CDH13: variants seen among roughly 807,000 people sequenced by gnomAD.
CDH13 encodes the protein cadherin-13.
In CDH13, 24 loss-of-function variants were observed where a neutral mutation model predicts 63.8. That is an observed-to-expected ratio of 0.38 (90% CI 0.27 to 0.53). The LOEUF is 0.53. CDH13 is among the 20% of genes least tolerant of loss of function. The pLI is 0.85. For missense variants in CDH13, 1,049 were observed against 903.1 expected (o/e 1.16, Z -2.07); for synonymous variants, 503 against 355.3 (o/e 1.42, Z -4.67).
intron 7 of CDH13, among the ~76,000 whole-genome samples, chr16:83,516,500 A>G (rs140352181): frequency 1.8e-4 from 28 of 152,338 alleles, no homozygotes; most frequent in African/African-American, 6.5e-4. Context: ...ACAGAAAGCA[A>G]TTTGTGGGAA....
chr16:83,736,147 G>A (rs899199891), intron 10 of CDH13, among the ~76,000 whole-genome samples: 1 of 152,130 alleles, frequency 6.6e-6, no homozygotes, highest in East Asian at 1.9e-4. Flanking sequence ...TATAGGATCA[G>A]ACTTGATCAG....
At chr16:82,866,699 A>C (rs1444486651) in intron 2 of CDH13, among the ~76,000 whole-genome samples, 1 of 152,162 alleles carries the variant, frequency 6.6e-6, no homozygotes, top group Non-Finnish European at 1.5e-5. Flanking sequence ...ACAGTTCAGC[A>C]TGCCTGGGGA....
At chr16:83,156,255 C>T (rs1265456341) in intron 4 of CDH13, among the ~76,000 whole-genome samples, 2 of 152,184 alleles carry the variant, frequency 1.3e-5, no homozygotes, top group Non-Finnish European at 2.9e-5. Context: ...AACCTCTTTT[C>T]ATCTCTCTTT....
At chr16:83,079,271 T>C (rs1002668976) in intron 3 of CDH13, among the ~76,000 whole-genome samples, 2 of 152,218 alleles carry the variant, frequency 1.3e-5, no homozygotes, top group Non-Finnish European at 2.9e-5. Flanking sequence ...AATATTCCAT[T>C]GTATGAACGA....
chr16:82,961,502 C>G (rs1906980551), intron 2 of CDH13, among the ~76,000 whole-genome samples: 1 of 145,722 alleles, frequency 6.9e-6, no homozygotes. Flanking sequence ...ATTGAACAAA[C>G]TATTATGAAG....
At chr16:83,525,016 C>T (rs1285894644) in intron 7 of CDH13, among the ~76,000 whole-genome samples, 2 of 152,196 alleles carry the variant, frequency 1.3e-5, no homozygotes, top group African/African-American at 2.4e-5. Flanking sequence ...TTTTCGGGGA[C>T]GCTGATTCTT....
At chr16:83,445,890 C>T (rs897015317) in intron 6 of CDH13, among the ~76,000 whole-genome samples, 2 of 152,058 alleles carry the variant, frequency 1.3e-5, no homozygotes, top group Admixed American at 6.6e-5. Context: ...CAAACCACGC[C>T]GAACAACAGA....
intron 8 of CDH13, among the ~76,000 whole-genome samples, chr16:83,606,705 T>G (rs193100569): frequency 7.0e-6 from 1 of 142,318 alleles, no homozygotes; most frequent in East Asian, 2.0e-4. Flanking sequence ...CCAGCCTGGG[T>G]GACAGAATGA....
intron 7 of CDH13, among the ~76,000 whole-genome samples, chr16:83,513,415 C>T (rs2074621358): frequency 6.6e-6 from 1 of 152,116 alleles, no homozygotes; most frequent in South Asian, 2.1e-4. Context: ...GTGCAAACTT[C>T]TCCTGTAGTT....
At chr16:82,962,801 G>A (rs16958961) in intron 2 of CDH13, among the ~76,000 whole-genome samples, 4,123 of 152,164 alleles carry the variant, frequency 0.027, 91 homozygotes, top group Non-Finnish European at 0.044. Context: ...AGCTTGATTC[G>A]CTGTGAAAAG....
intron 5 of CDH13, among the ~76,000 whole-genome samples, chr16:83,239,010 G>T (rs1597576940): frequency 6.6e-6 from 1 of 152,196 alleles, no homozygotes; most frequent in East Asian, 1.9e-4. Context: ...TGCCTTGCAT[G>T]TGCTGTTACT....
chr16:83,596,056 G>A (rs568600895), intron 7 of CDH13, among the ~76,000 whole-genome samples: 9 of 152,294 alleles, frequency 5.9e-5, no homozygotes, highest in East Asian at 1.9e-4. Flanking sequence ...GATTACATTC[G>A]TCTTTCCTCT....
chr16:82,708,652 C>T (rs375059105), intron 1 of CDH13, among the ~76,000 whole-genome samples: 4 of 152,124 alleles, frequency 2.6e-5, no homozygotes, highest in Non-Finnish European at 4.4e-5. Flanking sequence ...AGATCTGATT[C>T]GCCCAGCTCA....
At chr16:83,783,512 T>C (rs751851701) in intron 13 of CDH13, 40 bp downstream of exon 13, 8 of 1,499,986 alleles carry the variant, frequency 5.3e-6, no homozygotes, top group African/African-American at 4.1e-5. Context: ...AAACAGGAAA[T>C]TGTAACTTCA....
chr16:82,841,825 C>A (rs912538261), intron 1 of CDH13, among the ~76,000 whole-genome samples: 54 of 152,094 alleles, frequency 3.6e-4, no homozygotes, highest in African/African-American at 1.2e-3. Context: ...ACCTACTGTG[C>A]TGGAGCTGCT....
At chr16:82,910,726 A>G (rs1026519636) in intron 2 of CDH13, among the ~76,000 whole-genome samples, 1 of 152,084 alleles carries the variant, frequency 6.6e-6, no homozygotes, top group African/African-American at 2.4e-5. Context: ...TTCTCTTTGC[A>G]TATTTCTCAT....
At chr16:83,707,244 T>G (rs1256447305) in intron 10 of CDH13, among the ~76,000 whole-genome samples, 2 of 152,204 alleles carry the variant, frequency 1.3e-5, no homozygotes, top group Non-Finnish European at 2.9e-5. Context: ...TCTTTCTAGG[T>G]CAGTTTCAAA....
chr16:82,912,486 C>A (rs937204775), intron 2 of CDH13, among the ~76,000 whole-genome samples: 1 of 152,204 alleles, frequency 6.6e-6, no homozygotes, highest in African/African-American at 2.4e-5. Context: ...TGGTGTAAAA[C>A]CCTCTTCTAG....
chr16:83,582,977 T>G (rs1239161890), intron 7 of CDH13, among the ~76,000 whole-genome samples: 3 of 152,096 alleles, frequency 2.0e-5, no homozygotes, highest in East Asian at 1.9e-4. Context: ...CAACTGAAAT[T>G]TATTCAGTTT....
Sources: allele counts gnomAD v4.1 joint callset (sites outside exome capture counted in the v4.1 genomes callset), GRCh38; gene constraint gnomAD v4.1.1; transcripts MANE v1.5; gene names NCBI Gene and HGNC (gene_info 2026-07-23, HGNC 2026-07-21).